The following TTC17 variants were observed in gnomAD, a reference collection of about 807,000 sequenced individuals.
The protein encoded by TTC17 is tetratricopeptide repeat domain 17.
TTC17 carries 58 observed loss-of-function variants against 143.8 expected under a neutral mutation model. The observed-to-expected ratio is 0.40, with a 90% confidence interval of 0.33 to 0.50. The LOEUF is 0.50. Ranked by LOEUF, TTC17 falls within the 20% of genes least tolerant of loss-of-function variation. The probability of loss-of-function intolerance (pLI) is 0.49; values close to 1 mark genes in which losing one functional copy is unlikely to be tolerated. For synonymous variants in TTC17, 501 were observed against 497.8 expected (o/e 1.01, Z -0.09); for missense variants, 1,273 against 1,392.5 (o/e 0.91, Z 1.37).
At chr11:43,397,556 C>CT in intron 7 of TTC17, 65 bp downstream of exon 7, 2 of 1,189,780 alleles carry the variant, frequency 1.7e-6, no homozygotes, top group Non-Finnish European at 2.3e-6. Context: ...TTTTTTTTCT[C>CT]CCCCCTCAGT....
At chr11:43,477,677 C>A (rs1488794726) in intron 21 of TTC17, among the ~76,000 whole-genome samples, 1 of 152,148 alleles carries the variant, frequency 6.6e-6, no homozygotes, top group African/African-American at 2.4e-5. Flanking sequence ...GGGTCCTTCC[C>A]ACAACACGTG....
rs1400610200 is a variant in TTC17, at chr11:43,490,220, G to A, written c.3031-19G>A. On this transcript the variant is annotated intron_variant, in intron 21 of 23. Coordinates refer to ENST00000039989, the MANE Select transcript of TTC17 (RefSeq NM_018259.6). The stretch of plus-strand genomic sequence containing the variant: ...ATGTTCTTGAAAGGACACCAGCCTT[G>A]GCTAACATTCCTTTGCAGAACCAGA... 1.3e-6 allele frequency: 2 copies of A among 1,597,356 alleles called. No homozygotes were observed. Among genetic ancestry groups the A allele is most frequent in the African/African-American group, 1.3e-5 (1 of 74,548 alleles).
chr11:43,422,901 T>G (rs939533104), intron 16 of TTC17, among the ~76,000 whole-genome samples: 5 of 152,192 alleles, frequency 3.3e-5, no homozygotes, highest in Admixed American at 6.5e-5. Context: ...TATTTGTTTT[T>G]GTTATTCTAA....
intron 1 of TTC17, among the ~76,000 whole-genome samples, chr11:43,362,379 T>C (rs1276761809): frequency 6.6e-6 from 1 of 152,156 alleles, no homozygotes; most frequent in East Asian, 1.9e-4. Flanking sequence ...TTCATTTGAT[T>C]TTTTATATTT....
chr11:43,362,479 T>G (rs1361856430), intron 1 of TTC17, among the ~76,000 whole-genome samples: 2 of 152,052 alleles, frequency 1.3e-5, no homozygotes, highest in Non-Finnish European at 2.9e-5. Context: ...GGTACATCCT[T>G]TGGTGGGTTG....
intron 18 of TTC17, chr11:43,445,839 A>G: frequency 2.8e-6 from 2 of 710,132 alleles, no homozygotes; most frequent in Non-Finnish European, 5.0e-6. Flanking sequence ...TTGTGAGCCC[A>G]TGGGGGAAAA....
intron 16 of TTC17, among the ~76,000 whole-genome samples, chr11:43,434,223 ACACAC>A: frequency 1.1e-5 from 1 of 90,720 alleles, no homozygotes; most frequent in Non-Finnish European, 2.3e-5. Context: ...ACACACACAC[ACACAC>A]ACACTCTCAT....
intron 2 of TTC17, chr11:43,385,580 A>G (rs1857138914): frequency 6.6e-6 from 1 of 152,136 alleles, no homozygotes; most frequent in Non-Finnish European, 1.5e-5. Flanking sequence ...TTATAGAAAA[A>G]TGCATTTATT....
chr11:43,448,745 C>T (rs1472666122), intron 19 of TTC17: 2 of 152,190 alleles, frequency 1.3e-5, no homozygotes, highest in Admixed American at 1.3e-4. Context: ...GTCTCCCTGA[C>T]CTGTCTGTCT....
chr11:43,361,137 C>CTT (rs1565124576), intron 1 of TTC17, among the ~76,000 whole-genome samples: 1 of 152,224 alleles, frequency 6.6e-6, no homozygotes, highest in Non-Finnish European at 1.5e-5. Flanking sequence ...GAGTTCCACT[C>CTT]TGATAGCTGA....
intron 21 of TTC17, among the ~76,000 whole-genome samples, chr11:43,470,664 G>T (rs1948075034): frequency 6.6e-6 from 1 of 152,184 alleles, no homozygotes; most frequent in Non-Finnish European, 1.5e-5. Flanking sequence ...CTCACGGACG[G>T]ACTTCCACGA....
chr11:43,413,995 A>G (rs1445075823), intron 15 of TTC17, among the ~76,000 whole-genome samples: 1 of 152,228 alleles, frequency 6.6e-6, no homozygotes, highest in East Asian at 1.9e-4. Flanking sequence ...AAGAATATTC[A>G]TAGTAACTTT....
chr11:43,492,949 A>C (rs1948498647), intron 23 of TTC17, among the ~76,000 whole-genome samples: 1 of 152,248 alleles, frequency 6.6e-6, no homozygotes, highest in Non-Finnish European at 1.5e-5. Flanking sequence ...GTAATGGCTT[A>C]TAGAGTGAGC....
chr11:43,486,583 C>G, intron 21 of TTC17: 1 of 275,236 alleles, frequency 3.6e-6, no homozygotes, highest in South Asian at 3.4e-5. Flanking sequence ...ATAAAGATAA[C>G]ATTTAGAATA....
intron 1 of TTC17, among the ~76,000 whole-genome samples, chr11:43,366,721 A>G (rs1034547538): frequency 6.6e-6 from 1 of 152,116 alleles, no homozygotes; most frequent in African/African-American, 2.4e-5. Flanking sequence ...GGAGGGAGAC[A>G]GATTCTCGAA....
intron 1 of TTC17, among the ~76,000 whole-genome samples, chr11:43,371,936 C>G (rs2134455020): frequency 6.6e-6 from 1 of 152,262 alleles, no homozygotes; most frequent in African/African-American, 2.4e-5. Flanking sequence ...TGGCCTGACG[C>G]AGCAGCTCAC....
intron 1 of TTC17, among the ~76,000 whole-genome samples, chr11:43,370,670 G>A (rs1268703528): frequency 1.3e-5 from 2 of 151,714 alleles, no homozygotes; most frequent in African/African-American, 4.8e-5. Context: ...AATAATACAT[G>A]TTCACTGTAG....
intron 21 of TTC17, among the ~76,000 whole-genome samples, chr11:43,466,013 A>G (rs1242293519): frequency 1.3e-5 from 2 of 152,246 alleles, no homozygotes; most frequent in African/African-American, 4.8e-5. Context: ...ACTAGGAGAA[A>G]ATATTTGCAA....
chr11:43,401,299 A>T, intron 9 of TTC17, 147 bp from the exon 10 acceptor site: 1 of 529,650 alleles, frequency 1.9e-6, no homozygotes, highest in Admixed American at 3.7e-5. Flanking sequence ...CCATTAATGA[A>T]TATTTCTCTA....
Sources: gnomAD v4.1 joint callset for allele counts (sites outside exome capture counted in the v4.1 genomes callset) on GRCh38, gnomAD v4.1.1 for gene constraint, MANE v1.5 for transcripts, NCBI Gene and HGNC (gene_info 2026-07-23, HGNC 2026-07-21) for gene names.